Variants in FAM118A observed in about 807,000 individuals in gnomAD.
The protein encoded by FAM118A is protein FAM118A.
FAM118A carries 25 observed loss-of-function variants against 38.2 expected under a neutral mutation model. The observed-to-expected ratio is 0.65, with a 90% CI of 0.48 to 0.91. FAM118A has a LOEUF of 0.91. Among genes scored for constraint, FAM118A ranks in the 40% least tolerant of loss-of-function variants. The pLI, the probability that FAM118A is intolerant of heterozygous loss-of-function variation, is 0.00. For missense variants in FAM118A, 425 were observed against 463.3 expected, an observed-to-expected ratio of 0.92 and a Z score of 0.76; for synonymous variants, 178 against 184.1, an observed-to-expected ratio of 0.97 and a Z score of 0.27.
At position 45,312,518 on chromosome 22, in the gene FAM118A, C is replaced by CAA. The variant is rs202088480; in HGVS notation, c.-10+2340_-10+2341dup. On this transcript the variant is annotated intron_variant, in intron 1 of 8. Transcript: ENST00000441876. ...CAGAACCCCATCTCTACTAAAAATA[C>CAA]AAAAAATTAGCTGGGCATGGTGGTG... 1.6e-3 allele frequency among the ~76,000 whole-genome samples: 236 copies of CAA among 152,230 alleles called. 6 individuals are homozygous for CAA. The East Asian group carries it at 0.039, about 25-fold the overall frequency.
In FAM118A at chr22:45,332,572, A is replaced by G; in HGVS notation, c.799A>G (p.Asn267Asp). The change falls in exon 6 of 9, where the codon AAT (asparagine) becomes GAT (aspartate). Residue 267 changes from asparagine to aspartate, a missense_variant. Asn to Asp is a conservative substitution (Grantham distance 23, BLOSUM62 1). Transcript: ENST00000441876. ...GCACTACATGCTTGTGCTGAAGGAG[A>G]ATGAAGACCATTTCTTTAAGCATCA... is the stretch of plus-strand genomic sequence containing the variant. ...LEHYMLVLKE[N>D]EDHFFKHQAD... 6.2e-7 allele frequency: 1 copy of G among 1,614,092 alleles called. No homozygotes were observed. The highest frequency in any genetic ancestry group is 8.5e-7 in the Non-Finnish European group (1 of 1,180,016).
At position 45,332,894 on chromosome 22, in the gene FAM118A, C is replaced by G. The variant is rs183555436; in HGVS notation, c.937+184C>G. 7.0e-3 allele frequency among the ~76,000 whole-genome samples: 1,070 copies of G among 152,232 alleles called. 5 individuals are homozygous for G. The highest frequency in any genetic ancestry group is 0.012 in the Non-Finnish European group (794 of 68,010). ...GAGTAGCTGGCATTACAGGCATGCG[C>G]CACCATGCCTGGCTAATTTTGTATT... On this transcript the variant is annotated intron_variant, in intron 6 of 8. Transcript: ENST00000441876.
chr22:45,334,717 T>C (rs900114903), intron 6 of FAM118A, among the ~76,000 whole-genome samples: 2 of 152,168 alleles, frequency 1.3e-5, no homozygotes, highest in African/African-American at 4.8e-5. Flanking sequence ...GAAGCTGGGA[T>C]TGGGATCCTG....
rs2086405569 is a variant in FAM118A, at chr22:45,340,412, T to TATAGTA, written c.*8_*9insTAGTAA. On this transcript the variant is annotated 3_prime_UTR_variant, in exon 9 of 9. Transcript: ENST00000441876. Reference sequence around the variant, plus strand: ...TGATGCTGGAGGGTCTTGAAATCTTTACAGTAAAACCTGCAACTTGAAAAC... The same window carrying TATAGTA: ...TGATGCTGGAGGGTCTTGAAATCTTTATAGTAACAGTAAAACCTGCAACTTGAAAAC... The TATAGTA allele has an allele frequency of 6.2e-7, 1 of 1,614,098 alleles. No homozygotes were observed. The highest frequency in any genetic ancestry group is 8.5e-7 in the Non-Finnish European group (1 of 1,180,036).
At position 45,340,282 on chromosome 22, in the gene FAM118A, C is replaced by T. The variant is rs1005098095; in HGVS notation, c.1055-104C>T. The T allele has an allele frequency of 1.9e-5, 26 of 1,397,116 alleles. No individual in the cohort carries two copies. The African/African-American group carries it at 3.5e-4, about 19-fold the overall frequency. 86.5% of individuals were successfully genotyped at this position (1,397,116 alleles called of 1,614,324 possible). On this transcript the variant is annotated intron_variant, in intron 8 of 8. Coordinates refer to ENST00000441876, the MANE Select transcript of FAM118A (RefSeq NM_017911.4). ...GGAGGGGTTTTCAAAGTCTTCCGTA[C>T]ATAAGAACAATTGTAAAGCAGTTTC...
At chr22:45,312,263 G>A (rs958503058) in intron 1 of FAM118A, among the ~76,000 whole-genome samples, 4 of 152,168 alleles carry the variant, frequency 2.6e-5, no homozygotes, top group African/African-American at 9.7e-5. Flanking sequence ...CTCGCAAGTT[G>A]AGGGCTCAGT....
chr22:45,310,678 ATAACT>A (rs2084324945), intron 1 of FAM118A, among the ~76,000 whole-genome samples: 1 of 152,096 alleles, frequency 6.6e-6, no homozygotes, highest in Non-Finnish European at 1.5e-5. Context: ...AGGTCTGGTG[ATAACT>A]TAAGACGGTA....
At chr22:45,315,108 T>A (rs2084548032) in intron 1 of FAM118A, among the ~76,000 whole-genome samples, 1 of 152,264 alleles carries the variant, frequency 6.6e-6, no homozygotes, top group Non-Finnish European at 1.5e-5. Flanking sequence ...GCTCTTTGAA[T>A]TAATTTGTGA....
intron 6 of FAM118A, among the ~76,000 whole-genome samples, chr22:45,333,540 G>A (rs1227539393): frequency 1.3e-5 from 2 of 152,086 alleles, no homozygotes; most frequent in African/African-American, 4.8e-5. Context: ...TGGGCATGGT[G>A]GCGGGCACCT....
intron 4 of FAM118A, chr22:45,328,807 C>G (rs1447517155): frequency 4.0e-6 from 1 of 250,132 alleles, no homozygotes; most frequent in Non-Finnish European, 8.0e-6. Context: ...AAAAGAAATA[C>G]CTGAGACTGG....
At chr22:45,323,559 G>T in intron 3 of FAM118A, 132 bp downstream of exon 3, 1 of 1,179,412 alleles carries the variant, frequency 8.5e-7, no homozygotes. Flanking sequence ...TGATGAGCCA[G>T]AAATCCTTGA....
intron 1 of FAM118A, among the ~76,000 whole-genome samples, chr22:45,314,218 C>T (rs148376648): frequency 2.8e-4 from 42 of 152,306 alleles, no homozygotes; most frequent in African/African-American, 9.4e-4. Flanking sequence ...TCCCACCCCG[C>T]CCCCCAAGCT....
At chr22:45,335,216 C>G in intron 6 of FAM118A, 134 bp from the exon 7 acceptor site, 1 of 894,056 alleles carries the variant, frequency 1.1e-6, no homozygotes, top group Non-Finnish European at 1.8e-6. Context: ...CGCAGGAGTC[C>G]GCAGCCCGCG....
chr22:45,332,161 C>T (rs1263015715), intron 5 of FAM118A, among the ~76,000 whole-genome samples: 4 of 152,312 alleles, frequency 2.6e-5, no homozygotes, highest in South Asian at 2.1e-4. Context: ...CCACCCGCCT[C>T]GGCCAAAGAC....
At chr22:45,316,082 C>T (rs1278106299) in intron 1 of FAM118A, among the ~76,000 whole-genome samples, 5 of 152,184 alleles carry the variant, frequency 3.3e-5, no homozygotes. Context: ...CTCTGTCACT[C>T]AGTGTGGAGT....
At chr22:45,337,053 C>T (rs2086155670) in intron 8 of FAM118A, among the ~76,000 whole-genome samples, 1 of 152,192 alleles carries the variant, frequency 6.6e-6, no homozygotes, top group Non-Finnish European at 1.5e-5. Flanking sequence ...CTCTCCTCCC[C>T]TCCTCCTCCT....
At chr22:45,339,908 C>T (rs9626311) in intron 8 of FAM118A, among the ~76,000 whole-genome samples, 1,603 of 152,296 alleles carry the variant, frequency 0.011, 25 homozygotes, top group African/African-American at 0.037. Flanking sequence ...ATCACCTGCA[C>T]CTGCAGCCCC....
At chr22:45,331,964 G>A (rs1313178100) in intron 5 of FAM118A, among the ~76,000 whole-genome samples, 2 of 152,140 alleles carry the variant, frequency 1.3e-5, no homozygotes, top group East Asian at 3.9e-4. Flanking sequence ...ATGGCCCACT[G>A]AGATCAACAT....
chr22:45,328,850 C>G (rs1470613680), intron 4 of FAM118A: 1 of 180,504 alleles, frequency 5.5e-6, no homozygotes, highest in East Asian at 1.4e-4. Flanking sequence ...GTAATTGGCT[C>G]ACGGTTCCAC....
Sources: allele counts gnomAD v4.1 joint callset (sites outside exome capture counted in the v4.1 genomes callset), GRCh38; gene constraint gnomAD v4.1.1; transcripts MANE v1.5; gene names NCBI Gene and HGNC (gene_info 2026-07-23, HGNC 2026-07-21).